LARGE1: variants seen among roughly 807,000 people sequenced by gnomAD.
LARGE1 encodes the protein xylosyl- and glucuronyltransferase LARGE1.
LARGE1 carries 43 observed loss-of-function variants against 87.6 expected under a neutral mutation model. The ratio of observed to expected loss-of-function variants is 0.49; its 90% CI spans 0.38 to 0.63. The LOEUF (loss-of-function observed/expected upper bound fraction) is 0.63. Ranked by LOEUF, LARGE1 falls within the 30% of genes least tolerant of loss-of-function variation. The pLI is 0.00. For missense variants in LARGE1, 802 were observed against 1,000.2 expected (o/e 0.80, Z 2.67); for synonymous variants, 434 against 394.6 (o/e 1.10, Z -1.18).
chr22:33,255,945 G>A lies in LARGE1; in HGVS notation c.1730+48284C>T, dbSNP rs566166289. 8.7e-4 allele frequency among the ~76,000 whole-genome samples: 133 copies of A among 152,204 alleles called. 2 individuals are homozygous for A. Among genetic ancestry groups the A allele is most frequent in the African/African-American group, 3.1e-3 (128 of 41,536 alleles). ...GACAGCTGCATTATCAAAGTTTAGC[G>A]CCTGGGGTTTCCTCTCTTCACCCCC... On this transcript the variant is annotated intron_variant, in intron 11 of 11. Transcript: ENST00000608642.
chr22:33,121,842 A>T, the LARGE1 span, among the ~76,000 whole-genome samples: 1 of 152,204 alleles, frequency 6.6e-6, no homozygotes, highest in Non-Finnish European at 1.5e-5. Context: ...AAGCAAAGTC[A>T]TGTCTTACAT....
chr22:33,193,971 A>G (rs998638822), intron 11 of LARGE1, among the ~76,000 whole-genome samples: 24 of 147,776 alleles, frequency 1.6e-4, no homozygotes, highest in African/African-American at 4.7e-4. Flanking sequence ...ATATGTTTAT[A>G]TTTTATATAT....
At chr22:33,681,798 T>C (rs986024428) in intron 2 of LARGE1, among the ~76,000 whole-genome samples, 3 of 152,214 alleles carry the variant, frequency 2.0e-5, no homozygotes, top group East Asian at 1.9e-4. Context: ...ATTATCTTTT[T>C]AAAAATGTAC....
chr22:33,145,365 C>G, the LARGE1 span, among the ~76,000 whole-genome samples: 1 of 152,168 alleles, frequency 6.6e-6, no homozygotes, highest in Non-Finnish European at 1.5e-5. Context: ...CCATCAGAAT[C>G]ATTCTGACCT....
chr22:33,689,056 A>G (rs2082021934), intron 2 of LARGE1, among the ~76,000 whole-genome samples: 1 of 152,056 alleles, frequency 6.6e-6, no homozygotes, highest in South Asian at 2.1e-4. Flanking sequence ...CCAGTAAATT[A>G]AAAGTTATAG....
chr22:33,383,704 C>T (rs117851369), intron 8 of LARGE1, among the ~76,000 whole-genome samples: 141 of 152,292 alleles, frequency 9.3e-4, no homozygotes, highest in Non-Finnish European at 1.7e-3. Context: ...TAAAGGGACA[C>T]TAGGACAGCA....
At chr22:33,423,587 C>T (rs952769981) in intron 7 of LARGE1, among the ~76,000 whole-genome samples, 7 of 148,450 alleles carry the variant, frequency 4.7e-5, no homozygotes, top group Middle Eastern at 3.5e-3. Context: ...GGCTGAGGCG[C>T]GGGAATGGCT....
At chr22:33,834,367 A>G (rs1261939258) in intron 1 of LARGE1, among the ~76,000 whole-genome samples, 3 of 152,260 alleles carry the variant, frequency 2.0e-5, no homozygotes, top group Admixed American at 2.0e-4. Context: ...AAGTAACTGA[A>G]GAATCACAAA....
intron 6 of LARGE1, among the ~76,000 whole-genome samples, chr22:33,487,962 A>C (rs2069660157): frequency 6.6e-6 from 1 of 152,096 alleles, no homozygotes; most frequent in Non-Finnish European, 1.5e-5. Flanking sequence ...TATCAACCAC[A>C]ATCTTATTTA....
At chr22:33,218,199 G>T (rs1329051570) in intron 11 of LARGE1, among the ~76,000 whole-genome samples, 1 of 152,058 alleles carries the variant, frequency 6.6e-6, no homozygotes, top group Non-Finnish European at 1.5e-5. Context: ...CAAAGTGCTG[G>T]GATTACAGGC....
At chr22:33,277,358 G>A (rs557273311) in intron 13 of LARGE1, 103 bp from the exon 14 acceptor site, 58 of 1,110,972 alleles carry the variant, frequency 5.2e-5, no homozygotes, top group Admixed American at 1.6e-4. Context: ...TGTAGTCCTC[G>A]GGTGAGTTGA....
At chr22:33,818,100 T>A (rs1395415542) in intron 1 of LARGE1, among the ~76,000 whole-genome samples, 1 of 152,120 alleles carries the variant, frequency 6.6e-6, no homozygotes, top group Non-Finnish European at 1.5e-5. Flanking sequence ...AAAATGGGGA[T>A]GGTTCATGTC....
At chr22:33,596,651 G>A (rs9609839) in intron 5 of LARGE1, among the ~76,000 whole-genome samples, 12,931 of 152,224 alleles carry the variant, frequency 0.085, 680 homozygotes, top group African/African-American at 0.14. Flanking sequence ...TCTGATGACA[G>A]GTCGGCAGTC....
At chr22:33,660,090 G>GTGTTT (rs1419985722) in intron 2 of LARGE1, among the ~76,000 whole-genome samples, 16 of 125,424 alleles carry the variant, frequency 1.3e-4, no homozygotes, top group African/African-American at 4.3e-4. Flanking sequence ...GTGTGTGTGT[G>GTGTTT]TTTTTTTTTT....
chr22:33,746,661 T>C (rs2084097578), intron 2 of LARGE1, among the ~76,000 whole-genome samples: 1 of 152,210 alleles, frequency 6.6e-6, no homozygotes, highest in Admixed American at 6.5e-5. Context: ...CAATTCAACA[T>C]AATAAATGAT....
chr22:33,670,780 A>G (rs1404370654), intron 2 of LARGE1, among the ~76,000 whole-genome samples: 2 of 152,252 alleles, frequency 1.3e-5, no homozygotes, highest in Admixed American at 1.3e-4. Context: ...TACAGTGCCC[A>G]ACAGGTCCAT....
rs946956218 is a variant in LARGE1, at chr22:33,641,831, G to GA, written c.408+8535dup. Among the ~76,000 whole-genome samples, 3 of 151,802 alleles carry GA rather than the reference G, an allele frequency of 2.0e-5. No individual in the cohort carries two copies. The East Asian group carries it at 5.8e-4, about 29-fold the overall frequency. ...ATAAAGTGTGAAGACAAGATTAAAG[G>GA]AAAAAAAATGAAAAGTAATGAACAA... On this transcript the variant is annotated intron_variant, in intron 3 of 14. Transcript: ENST00000397394.
intron 3 of LARGE1, among the ~76,000 whole-genome samples, chr22:33,646,025 C>T (rs1319633497): frequency 2.0e-5 from 3 of 152,152 alleles, no homozygotes; most frequent in African/African-American, 7.2e-5. Flanking sequence ...TTGTGGAAGA[C>T]AATGTGGTGA....
At chr22:33,518,159 A>G (rs2071400217) in intron 6 of LARGE1, among the ~76,000 whole-genome samples, 1 of 152,244 alleles carries the variant, frequency 6.6e-6, no homozygotes, top group South Asian at 2.1e-4. Context: ...GAAGTCCTTT[A>G]TGCTGAGCGC....
Sources: gnomAD v4.1 joint callset for allele counts (sites outside exome capture counted in the v4.1 genomes callset) on GRCh38, gnomAD v4.1.1 for gene constraint, MANE v1.5 for transcripts, NCBI Gene and HGNC (gene_info 2026-07-23, HGNC 2026-07-21) for gene names.